PEMT: variants seen among roughly 807,000 people sequenced by gnomAD.
PEMT encodes the protein phospholipid methyltransferase.
Under a neutral mutation model 27.4 loss-of-function variants are expected in PEMT, and 23 were observed. That is an observed-to-expected ratio of 0.84 (90% CI 0.60 to 1.19). The LOEUF is 1.19. Among genes scored for constraint, PEMT ranks in the 50% most tolerant of loss-of-function variants. The pLI, the probability that PEMT is intolerant of heterozygous loss-of-function variation, is 0.00. For missense variants in PEMT, 307 were observed against 310.1 expected (o/e 0.99, Z 0.07); for synonymous variants, 137 against 139.1 (o/e 0.98, Z 0.11).
At chr17:17,588,865 G>A (rs1035647820) in intron 1 of PEMT, among the ~76,000 whole-genome samples, 3 of 152,252 alleles carry the variant, frequency 2.0e-5, no homozygotes, top group African/African-American at 7.2e-5. Context: ...AATCCTGACA[G>A]GGAGGGCAAC....
At chr17:17,516,658 G>C (rs1432303248) in intron 3 of PEMT, among the ~76,000 whole-genome samples, 1 of 152,296 alleles carries the variant, frequency 6.6e-6, no homozygotes, top group East Asian at 1.9e-4. Flanking sequence ...GTGCTTTGGG[G>C]ATGGGGAGGG....
intron 2 of PEMT, among the ~76,000 whole-genome samples, chr17:17,566,950 C>G (rs980562514): frequency 1.3e-5 from 2 of 152,220 alleles, no homozygotes; most frequent in Non-Finnish European, 2.9e-5. Context: ...GGAGGGATCC[C>G]GAGAGATGTC....
At chr17:17,526,557 T>C (rs1455314775) in intron 2 of PEMT, among the ~76,000 whole-genome samples, 2 of 152,238 alleles carry the variant, frequency 1.3e-5, no homozygotes, top group East Asian at 3.9e-4. Context: ...CCCCTATCCG[T>C]GGCTCAGAGC....
At chr17:17,560,523 G>C (rs1910400126) in intron 2 of PEMT, among the ~76,000 whole-genome samples, 1 of 152,226 alleles carries the variant, frequency 6.6e-6, no homozygotes, top group Non-Finnish European at 1.5e-5. Context: ...GAGCAACAGG[G>C]GCTGCCTGGG....
upstream of PEMT, chr17:17,592,065 G>A (rs989916735): frequency 5.1e-6 from 5 of 984,386 alleles, no homozygotes; most frequent in Non-Finnish European, 6.0e-6. Context: ...TGCGGACTTG[G>A]ACTTGGCCCG....
At chr17:17,506,929 C>T (rs1241218758) in intron 5 of PEMT, 1 of 540,590 alleles carries the variant, frequency 1.8e-6, no homozygotes, top group Non-Finnish European at 3.3e-6. Flanking sequence ...AGCCCCACGC[C>T]CAGGAGCCCC....
At chr17:17,519,449 C>T (rs1369562854) in intron 3 of PEMT, among the ~76,000 whole-genome samples, 1 of 152,200 alleles carries the variant, frequency 6.6e-6, no homozygotes, top group African/African-American at 2.4e-5. Context: ...CTGGGAGCCA[C>T]CATCTGTAAG....
intron 1 of PEMT, among the ~76,000 whole-genome samples, chr17:17,581,309 G>A (rs1013036589): frequency 1.4e-4 from 21 of 152,148 alleles, no homozygotes; most frequent in Non-Finnish European, 2.6e-4. Context: ...GTCAGTGAGC[G>A]CAGACCTATC....
intron 2 of PEMT, among the ~76,000 whole-genome samples, chr17:17,572,065 A>C (rs1911244129): frequency 6.6e-6 from 1 of 152,090 alleles, no homozygotes; most frequent in African/African-American, 2.4e-5. Flanking sequence ...CTCTTCCTCC[A>C]CAAGCCTCTC....
At chr17:17,525,146 G>C (rs1015744046) in intron 2 of PEMT, among the ~76,000 whole-genome samples, 3 of 151,968 alleles carry the variant, frequency 2.0e-5, no homozygotes, top group African/African-American at 7.3e-5. Context: ...TTCCTTCAAG[G>C]GTTCTCTCTG....
intron 2 of PEMT, among the ~76,000 whole-genome samples, chr17:17,546,485 T>C (rs1340213770): frequency 1.3e-5 from 2 of 152,348 alleles, no homozygotes; most frequent in Non-Finnish European, 2.9e-5. Flanking sequence ...GCAGTGGGCA[T>C]GATCAGGTTT....
At chr17:17,510,943 C>T (rs1316130743) in intron 4 of PEMT, among the ~76,000 whole-genome samples, 1 of 152,176 alleles carries the variant, frequency 6.6e-6, no homozygotes, top group Non-Finnish European at 1.5e-5. Context: ...GGGGCCCTCA[C>T]CGCCCTCACA....
rs70959696 is a variant in PEMT at position 17,574,149 on chromosome 17, A to G, written c.204+2771T>C. Reference sequence around the variant, plus strand: ...GTTTCTTAACTTTTCTCCTTTTGAAACCACTTTGAAGAGCTCACTCCCTCT... The same window carrying G: ...GTTTCTTAACTTTTCTCCTTTTGAAGCCACTTTGAAGAGCTCACTCCCTCT... On this transcript the variant is annotated intron_variant, in intron 2 of 6. Coordinates refer to ENST00000255389, the MANE Select transcript of PEMT (RefSeq NM_148172.3). Among the ~76,000 whole-genome samples the G allele has an allele frequency of 9.9e-3, 1,474 of 149,534 alleles. 28 individuals are homozygous for G. The highest frequency in any genetic ancestry group is 0.034 in the African/African-American group (1,370 of 40,434).
At chr17:17,554,230 G>A (rs1365649079) in intron 2 of PEMT, among the ~76,000 whole-genome samples, 1 of 152,202 alleles carries the variant, frequency 6.6e-6, no homozygotes. Flanking sequence ...TTAGAGACCC[G>A]GCCCCCTCCC....
At chr17:17,531,188 G>C (rs796371648) in intron 2 of PEMT, among the ~76,000 whole-genome samples, 10 of 152,266 alleles carry the variant, frequency 6.6e-5, no homozygotes, top group African/African-American at 2.4e-4. Context: ...TCTACTCTGG[G>C]AACAGAAGAT....
chr17:17,585,887 CCTGG>C lies in PEMT; in HGVS notation c.96+5640_96+5643del, dbSNP rs757845100. ...CATGAAGTCAGGAGATCGAGATCAT[CCTGG>C]CTAACACGGTGAAACCCCGTCTCTA... On this transcript the variant is annotated intron_variant, in intron 1 of 6. Coordinates refer to ENST00000255389, the MANE Select transcript of PEMT (RefSeq NM_148172.3). Among the ~76,000 whole-genome samples, 281 of 151,778 alleles carry C rather than the reference CCTGG, an allele frequency of 1.9e-3. 1 individual carries two copies. The highest frequency in any genetic ancestry group is 3.6e-3 in the Non-Finnish European group (246 of 67,960).
rs770832045 is a variant in PEMT at position 17,522,270 on chromosome 17, C to A, written c.320+10G>T. ...GGGTTGTGGCTCCCCAGTGAGAGAGCTGTGCTTACCAGTGCGAGCGCAGGA... is the reference window on the plus strand; with the variant it reads ...GGGTTGTGGCTCCCCAGTGAGAGAGATGTGCTTACCAGTGCGAGCGCAGGA... On this transcript the variant is annotated intron_variant, in intron 3 of 6. Transcript: ENST00000255389. 4 of 1,592,400 alleles carry A rather than the reference C, an allele frequency of 2.5e-6. No individual in the cohort carries two copies. The Admixed American group carries it at 5.0e-5, about 20-fold the overall frequency.
At chr17:17,551,431 C>T (rs1367155431) in intron 2 of PEMT, among the ~76,000 whole-genome samples, 3 of 152,184 alleles carry the variant, frequency 2.0e-5, no homozygotes, top group Admixed American at 6.5e-5. Context: ...AGCTGACAGG[C>T]GCCTCTGAGG....
At chr17:17,545,058 G>A (rs1909154467) in intron 2 of PEMT, among the ~76,000 whole-genome samples, 1 of 152,210 alleles carries the variant, frequency 6.6e-6, no homozygotes, top group Non-Finnish European at 1.5e-5. Flanking sequence ...TCCCGTGCAG[G>A]CGGCCACCAA....
Sources: allele counts gnomAD v4.1 joint callset (sites outside exome capture counted in the v4.1 genomes callset), GRCh38; gene constraint gnomAD v4.1.1; transcripts MANE v1.5; gene names NCBI Gene and HGNC (gene_info 2026-07-23, HGNC 2026-07-21).